CCDC175: variants seen among roughly 807,000 people sequenced by gnomAD.
CCDC175 encodes the protein coiled-coil domain-containing protein 175.
In CCDC175, 100 loss-of-function variants were observed where a neutral mutation model predicts 114.6. The observed-to-expected ratio is 0.87, with a 90% CI of 0.74 to 1.03. The LOEUF is 1.03. CCDC175 is among the 50% of genes least tolerant of loss of function. The pLI, the probability that CCDC175 is intolerant of heterozygous loss-of-function variation, is 0.00. For missense variants in CCDC175, 880 were observed against 917.8 expected, an observed-to-expected ratio of 0.96 and a Z score of 0.53; for synonymous variants, 306 against 308.7, an observed-to-expected ratio of 0.99 and a Z score of 0.09.
intron 19 of CCDC175, among the ~76,000 whole-genome samples, chr14:59,508,068 C>T (rs533051364): frequency 2.0e-5 from 3 of 152,190 alleles, no homozygotes; most frequent in African/African-American, 7.2e-5. Flanking sequence ...AGAATGCAGT[C>T]TTACAAGCCT....
In CCDC175 at chr14:59,551,393, T is replaced by G. The variant is rs1357749305; in HGVS notation, c.997A>C (p.Asn333His). ...TTCAGGAATTCATTTTTTTCATCAT[T>G]AGATATATCATCTAGTTTTTCTTTG... ...DNKEKLDDIS[N>H]DEKNEFLNKI... Residue 333 changes from asparagine (N) to histidine (H), a missense_variant, in exon 8 of 20, where the codon AAT becomes CAT. Physicochemically the swap from Asn to His is moderately conservative, Grantham distance 68. Transcript: ENST00000537690. 2.1e-6 allele frequency: 3 copies of G among 1,462,216 alleles called. No homozygotes were observed. The highest frequency in any genetic ancestry group is 1.4e-5 in the African/African-American group (1 of 70,478). 90.6% of individuals were successfully genotyped at this position (1,462,216 alleles called of 1,614,324 possible).
chr14:59,533,104 G>C (rs1202201288), intron 13 of CCDC175, among the ~76,000 whole-genome samples: 2 of 152,182 alleles, frequency 1.3e-5, no homozygotes, highest in African/African-American at 4.8e-5. Flanking sequence ...TGATACTTCA[G>C]ATGCAAGAGA....
chr14:59,517,562 C>T (rs540299840), intron 17 of CCDC175, among the ~76,000 whole-genome samples: 6 of 152,160 alleles, frequency 3.9e-5, no homozygotes, highest in Non-Finnish European at 8.8e-5. Context: ...AGTGAACTCC[C>T]ATTCACAATT....
chr14:59,517,121 C>G (rs1893137900), intron 17 of CCDC175, among the ~76,000 whole-genome samples: 1 of 152,110 alleles, frequency 6.6e-6, no homozygotes, highest in Admixed American at 6.6e-5. Context: ...ATTCAACAGC[C>G]CTTCATGCTA....
intron 7 of CCDC175, among the ~76,000 whole-genome samples, chr14:59,557,244 A>G (rs920008093): frequency 6.6e-6 from 1 of 152,272 alleles, no homozygotes; most frequent in Non-Finnish European, 1.5e-5. Context: ...AGACTGGATT[A>G]AGAAAATGTG....
intron 4 of CCDC175, among the ~76,000 whole-genome samples, 166 bp downstream of exon 4, chr14:59,568,079 C>T (rs148376869): frequency 7.1e-4 from 108 of 152,294 alleles, no homozygotes; most frequent in African/African-American, 2.6e-3. Flanking sequence ...TCCTCTGTAG[C>T]CACCACCTTC....
At chr14:59,575,910 G>C (rs1467688235) in intron 1 of CCDC175, among the ~76,000 whole-genome samples, 1 of 152,158 alleles carries the variant, frequency 6.6e-6, no homozygotes, top group Non-Finnish European at 1.5e-5. Context: ...CAAATTAATA[G>C]TAACATTGTA....
Position 59,574,933 on chromosome 14 carries a change from A to C in CCDC175, c.243+10T>G. The C allele has an allele frequency of 1.5e-6, 2 of 1,353,488 alleles. No homozygotes were observed. The highest frequency in any genetic ancestry group is 2.0e-6 in the Non-Finnish European group (2 of 992,802). The allele number at this position is 1,353,488 out of a possible 1,614,324, so 83.8% of individuals were successfully genotyped here. A position where few individuals can be genotyped will look rare whatever the true frequency, so the allele number is the denominator to read the frequency against. ...GATTGAAGAAATGGTTCTTATAGATAATACAATACCAATTTCTTAACAGCT... is the reference window on the plus strand; with the variant it reads ...GATTGAAGAAATGGTTCTTATAGATCATACAATACCAATTTCTTAACAGCT... On this transcript the variant is annotated intron_variant, in intron 2 of 19. Transcript: ENST00000537690.
intron 13 of CCDC175, among the ~76,000 whole-genome samples, chr14:59,533,933 G>A (rs1436924314): frequency 6.7e-6 from 1 of 149,366 alleles, no homozygotes; most frequent in East Asian, 2.0e-4. Context: ...AGGTTGCAGT[G>A]AGCCTAGATC....
At chr14:59,559,900 A>G (rs1257495139) in intron 7 of CCDC175, among the ~76,000 whole-genome samples, 1 of 152,180 alleles carries the variant, frequency 6.6e-6, no homozygotes, top group Non-Finnish European at 1.5e-5. Context: ...ATGAATCCTC[A>G]CACGTTAGCT....
intron 19 of CCDC175, among the ~76,000 whole-genome samples, chr14:59,509,172 AC>A (rs901550287): frequency 6.6e-6 from 1 of 152,198 alleles, no homozygotes; most frequent in Non-Finnish European, 1.5e-5. Context: ...TCAGATAAAA[AC>A]AGAAGATTAA....
intron 18 of CCDC175, 78 bp from the exon 19 acceptor site, chr14:59,510,886 TC>T (rs1892699545): frequency 2.3e-6 from 3 of 1,283,068 alleles, no homozygotes; most frequent in South Asian, 1.5e-5. Flanking sequence ...GTGGATCATG[TC>T]CAAAAAAAAA....
intron 17 of CCDC175, among the ~76,000 whole-genome samples, chr14:59,515,928 C>T (rs1418577493): frequency 6.6e-6 from 1 of 152,116 alleles, no homozygotes; most frequent in Non-Finnish European, 1.5e-5. Flanking sequence ...TAAAGCACTC[C>T]TCAGCAAATG....
At chr14:59,520,054 C>T (rs1380031629) in intron 17 of CCDC175, among the ~76,000 whole-genome samples, 1 of 152,226 alleles carries the variant, frequency 6.6e-6, no homozygotes, top group Non-Finnish European at 1.5e-5. Context: ...TGATGCCATG[C>T]AGAGCAGACA....
chr14:59,576,546 G>C, intron 1 of CCDC175, 73 bp downstream of exon 1: 1 of 1,323,108 alleles, frequency 7.6e-7, no homozygotes, highest in Non-Finnish European at 9.7e-7. Flanking sequence ...TCCCCGCTCA[G>C]GGTTCCCGCT....
Position 59,525,375 on chromosome 14 carries a change from A to G in CCDC175, c.1902T>C (p.Asp634=). The change falls in exon 16 of 20, where the codon GAT becomes GAC. Residue 634 remains aspartate, a synonymous_variant. Coordinates refer to ENST00000537690, the MANE Select transcript of CCDC175 (RefSeq NM_001164399.2). The part of the protein sequence containing the change: ...LRDQESKKNK[D]HFETLKNLEN... ...CTAAGTTCTTTAGAGTTTCAAAATGATCTTTGTTTTTTTTGCTTTCTTGAT... is the reference window on the plus strand; with the variant it reads ...CTAAGTTCTTTAGAGTTTCAAAATGGTCTTTGTTTTTTTTGCTTTCTTGAT... 2.0e-6 allele frequency: 3 copies of G among 1,519,960 alleles called. No homozygotes were observed. The highest frequency in any genetic ancestry group is 2.6e-6 in the Non-Finnish European group (3 of 1,140,788). 94.2% of individuals were successfully genotyped at this position (1,519,960 alleles called of 1,614,324 possible). A position where few individuals can be genotyped will look rare whatever the true frequency, so the allele number is the denominator to read the frequency against.
At chr14:59,556,284 G>C (rs573018521) in intron 7 of CCDC175, among the ~76,000 whole-genome samples, 23 of 152,208 alleles carry the variant, frequency 1.5e-4, no homozygotes, top group East Asian at 1.9e-4. Flanking sequence ...TGGAACAGAA[G>C]AGAGCCCTCA....
chr14:59,526,411 G>C (rs1019090402), intron 15 of CCDC175, among the ~76,000 whole-genome samples: 6 of 152,052 alleles, frequency 3.9e-5, no homozygotes, highest in African/African-American at 1.4e-4. Flanking sequence ...TTCGAAACCA[G>C]CCTGGCCAAC....
chr14:59,550,825 A>G (rs1895426305), intron 8 of CCDC175, among the ~76,000 whole-genome samples: 1 of 152,168 alleles, frequency 6.6e-6, no homozygotes, highest in Non-Finnish European at 1.5e-5. Context: ...GCCCACCCAG[A>G]TTAAGGGTGG....
Sources: allele counts gnomAD v4.1 joint callset (sites outside exome capture counted in the v4.1 genomes callset), GRCh38; gene constraint gnomAD v4.1.1; transcripts MANE v1.5; gene names NCBI Gene and HGNC (gene_info 2026-07-23, HGNC 2026-07-21).